Variants in MYCBP2 observed in about 807,000 individuals in gnomAD.
MYCBP2 encodes E3 ubiquitin-protein ligase MYCBP2.
Under a neutral mutation model 525.3 loss-of-function variants are expected in MYCBP2, and 120 were observed. That is an observed-to-expected ratio of 0.23 (90% confidence interval 0.20 to 0.27). The LOEUF (loss-of-function observed/expected upper bound fraction) is 0.27. Among genes scored for constraint, MYCBP2 ranks in the 10% least tolerant of loss-of-function variants. The pLI is 1.00. For synonymous variants in MYCBP2, 1,894 were observed against 1,955.8 expected (o/e 0.97, Z 0.83); for missense variants, 4,149 against 5,657.1 (o/e 0.73, Z 8.55).
At position 77,068,631 on chromosome 13, in the gene MYCBP2, T is replaced by G. The variant is rs370863085; in HGVS notation, c.12105A>C (p.Gln4035His). Residue 4035 changes from glutamine to histidine, a missense_variant, in exon 70 of 83, where the codon CAA becomes CAC. Around this residue, in one of 21 missense-constraint regions of MYCBP2, gnomAD observed 64 missense variants for 131.2 expected, o/e 0.49. Transcript: ENST00000544440. ...GSNVGRQYLA[Q>H]QLTLLQDLFS... is the part of the protein sequence containing the mutation. Reference sequence around the variant, plus strand: ...AGAGATCCTGAAGCAGGGTTAGCTGTTGAGCCAGATATTGCCGGCCAACGT... The same window carrying G: ...AGAGATCCTGAAGCAGGGTTAGCTGGTGAGCCAGATATTGCCGGCCAACGT... 1 of 1,614,124 alleles carries G rather than the reference T, an allele frequency of 6.2e-7. No homozygotes were observed. The highest frequency in any genetic ancestry group is 1.7e-5 in the Admixed American group (1 of 60,008).
chr13:77,071,271 G>GCACGCA (rs1555305948), intron 68 of MYCBP2, among the ~76,000 whole-genome samples: 2 of 142,736 alleles, frequency 1.4e-5, no homozygotes, highest in South Asian at 2.2e-4. Context: ...GTGTGCACAC[G>GCACGCA]CACACACACA....
chr13:77,303,278 T>C (rs892195690), intron 1 of MYCBP2, among the ~76,000 whole-genome samples: 5 of 152,128 alleles, frequency 3.3e-5, no homozygotes, highest in Admixed American at 3.3e-4. Flanking sequence ...GGTTGCAGTG[T>C]GCGTAGATCA....
chr13:77,115,917 C>A (rs772281419), intron 55 of MYCBP2, among the ~76,000 whole-genome samples: 4 of 151,364 alleles, frequency 2.6e-5, no homozygotes, highest in Non-Finnish European at 5.9e-5. Flanking sequence ...AGATGCCAGA[C>A]CTAGTTTAAA....
intron 1 of MYCBP2, among the ~76,000 whole-genome samples, chr13:77,325,717 T>A (rs2082207090): frequency 6.6e-6 from 1 of 152,132 alleles, no homozygotes; most frequent in African/African-American, 2.4e-5. Context: ...ACAGAGGAAA[T>A]CGAACAGAGG....
intron 7 of MYCBP2, among the ~76,000 whole-genome samples, chr13:77,269,308 T>C (rs565705135): frequency 1.3e-5 from 2 of 152,280 alleles, no homozygotes; most frequent in Non-Finnish European, 2.9e-5. Context: ...AAACCCTAAT[T>C]TGGCCTCAGG....
chr13:77,046,729 G>C (rs1318012158), intron 82 of MYCBP2, among the ~76,000 whole-genome samples: 1 of 152,218 alleles, frequency 6.6e-6, no homozygotes, highest in Non-Finnish European at 1.5e-5. Flanking sequence ...CTTCAGGTTA[G>C]AGCTAACAGG....
At chr13:77,164,615 T>G (rs1318226064) in intron 42 of MYCBP2, 74 bp from the exon 43 acceptor site, 3 of 900,146 alleles carry the variant, frequency 3.3e-6, no homozygotes, top group Non-Finnish European at 5.5e-6. Context: ...AAATGTGATT[T>G]GAATTCAAGC....
intron 62 of MYCBP2, among the ~76,000 whole-genome samples, chr13:77,084,292 C>T (rs926770939): frequency 6.6e-6 from 1 of 152,170 alleles, no homozygotes; most frequent in African/African-American, 2.4e-5. Flanking sequence ...AATGTTTGTT[C>T]TTCCATCTTG....
chr13:77,245,744 AACACACACACACACACAC>A (rs71102727), intron 15 of MYCBP2, among the ~76,000 whole-genome samples: 3 of 143,168 alleles, frequency 2.1e-5, no homozygotes, highest in African/African-American at 5.3e-5. Flanking sequence ...AACGTAAAGT[AACACACACACACACACAC>A]ACACACACAC....
chr13:77,099,340 G>C (rs898205377), intron 55 of MYCBP2: 1 of 253,296 alleles, frequency 3.9e-6, no homozygotes, highest in Admixed American at 5.0e-5. Flanking sequence ...GGACTAGAAA[G>C]AGACAGAAAT....
intron 80 of MYCBP2, among the ~76,000 whole-genome samples, chr13:77,052,359 C>T (rs756403364): frequency 1.3e-5 from 2 of 152,130 alleles, no homozygotes; most frequent in African/African-American, 2.4e-5. Flanking sequence ...CCACCACACC[C>T]GGCTAATTGT....
rs970829071 is a variant in MYCBP2 at position 77,081,202 on chromosome 13, A to G, written c.11418+225T>C. 60 of 485,852 alleles carry G rather than the reference A, an allele frequency of 1.2e-4. No individual in the cohort carries two copies. Among genetic ancestry groups the G allele is most frequent in the Admixed American group, 3.7e-5 (1 of 27,302 alleles). The allele number at this position is 485,852 out of a possible 1,614,324, so 30.1% of individuals were successfully genotyped here. ...ACTTTCATTTTGCTTAGCTGTAGCC[A>G]TGGTATATTTGTAATCAGACCTCTT... On this transcript the variant is annotated intron_variant, in intron 65 of 82. Transcript: ENST00000544440. The surrounding 1 kb of genome is among the most constrained non-coding windows in gnomAD (Gnocchi z 4.6).
intron 55 of MYCBP2, among the ~76,000 whole-genome samples, chr13:77,104,731 G>A (rs186239292): frequency 2.0e-5 from 3 of 152,038 alleles, no homozygotes; most frequent in African/African-American, 4.8e-5. Flanking sequence ...CCTTAGAACC[G>A]ACAACTGAAT....
rs749687587 is a variant in MYCBP2 at position 77,156,061 on chromosome 13, C to A, written c.6912G>T (p.Met2304Ile). Residue 2304 changes from methionine (M) to isoleucine (I), a missense_variant, in exon 46 of 83, where the codon ATG becomes ATT. Physicochemically the swap from Met to Ile is conservative, Grantham distance 10. Transcript: ENST00000544440. ...QYGDVVHVPN[M>I]KVEVKAVPVS... ...AATTTAATCCAGTTATAATTACCTTCATATTGGGAACATGTACCACATCCC... is the reference window on the plus strand; with the variant it reads ...AATTTAATCCAGTTATAATTACCTTAATATTGGGAACATGTACCACATCCC... 1 of 1,611,394 alleles carries A rather than the reference C, an allele frequency of 6.2e-7. No individual in the cohort carries two copies. The highest frequency in any genetic ancestry group is 8.5e-7 in the Non-Finnish European group (1 of 1,178,614).
intron 38 of MYCBP2, among the ~76,000 whole-genome samples, chr13:77,170,742 A>C (rs866374807): frequency 3.3e-5 from 5 of 151,914 alleles, no homozygotes; most frequent in African/African-American, 1.2e-4. Flanking sequence ...ACGCCTGGCT[A>C]ATTTTTTTAT....
chr13:77,302,487 T>C (rs1194640638), intron 1 of MYCBP2, among the ~76,000 whole-genome samples: 2 of 151,918 alleles, frequency 1.3e-5, no homozygotes, highest in African/African-American at 4.8e-5. Flanking sequence ...AAGACAAAAA[T>C]AAAGATGTTT....
chr13:77,046,515 G>T (rs577771561), intron 82 of MYCBP2, among the ~76,000 whole-genome samples: 2 of 152,288 alleles, frequency 1.3e-5, no homozygotes, highest in South Asian at 4.1e-4. Flanking sequence ...ATAAGAGAAG[G>T]AAACCATGAT....
intron 71 of MYCBP2, among the ~76,000 whole-genome samples, chr13:77,066,696 A>G (rs1297624845): frequency 6.6e-6 from 1 of 152,252 alleles, no homozygotes; most frequent in Non-Finnish European, 1.5e-5. Flanking sequence ...ATAAACAGAT[A>G]TCCAAAAAGG....
Position 77,045,344 on chromosome 13 carries a change from A to G in MYCBP2, c.*34T>C, listed in dbSNP as rs752795985. 2 of 1,543,776 alleles carry G rather than the reference A, an allele frequency of 1.3e-6. No individual in the cohort carries two copies. Among genetic ancestry groups the G allele is most frequent in the East Asian group, 2.2e-5 (1 of 44,484 alleles). ...CGCATCCTCTTGGGGGATGAAGGCA[A>G]TTTTTCTCTCTGTAGACAAAGGATC... On this transcript the variant is annotated 3_prime_UTR_variant, in exon 83 of 83. Transcript: ENST00000544440.
Sources: allele counts gnomAD v4.1 joint callset (sites outside exome capture counted in the v4.1 genomes callset), GRCh38; gene constraint gnomAD v4.1.1; regional missense constraint gnomAD v4.1.1; non-coding constraint Gnocchi (gnomAD v3.1); transcripts MANE v1.5; gene names NCBI Gene and HGNC (gene_info 2026-07-23, HGNC 2026-07-21).